The following INPP5A variants were observed in gnomAD, a reference collection of about 807,000 sequenced individuals.
INPP5A encodes 43 kDa inositol polyphosphate 5-phophatase.
A neutral mutation model predicts 65.2 loss-of-function variants in INPP5A; 14 were observed. That is an observed-to-expected ratio of 0.21 (90% CI 0.14 to 0.34). INPP5A has a LOEUF of 0.34. Ranked by LOEUF, INPP5A falls within the 10% of genes least tolerant of loss-of-function variation. INPP5A has a pLI of 1.00. For missense variants in INPP5A, 431 were observed against 545.6 expected, an observed-to-expected ratio of 0.79 and a Z score of 2.09; for synonymous variants, 207 against 208.3, an observed-to-expected ratio of 0.99 and a Z score of 0.05.
intron 9 of INPP5A, among the ~76,000 whole-genome samples, chr10:132,728,436 C>T (rs1026297015): frequency 1.3e-5 from 2 of 152,214 alleles, no homozygotes; most frequent in Non-Finnish European, 2.9e-5. Context: ...CGAGGCTGTG[C>T]GGGACCCGGG....
At chr10:132,592,561 G>A (rs1451104764) in intron 1 of INPP5A, among the ~76,000 whole-genome samples, 1 of 152,066 alleles carries the variant, frequency 6.6e-6, no homozygotes, top group Non-Finnish European at 1.5e-5. Context: ...GACTACAGGC[G>A]GGCGCCACCA....
At chr10:132,572,526 C>T (rs1271927398) in intron 1 of INPP5A, among the ~76,000 whole-genome samples, 2 of 152,018 alleles carry the variant, frequency 1.3e-5, no homozygotes, top group Admixed American at 6.6e-5. Context: ...GATGCTGAGG[C>T]TGCCCAGGGC....
At chr10:132,628,432 GC>G (rs2072217803) in intron 2 of INPP5A, among the ~76,000 whole-genome samples, 1 of 111,918 alleles carries the variant, frequency 8.9e-6, no homozygotes, top group African/African-American at 3.2e-5. Context: ...TATGGTGGCC[GC>G]CCCCTCTCCC....
chr10:132,691,944 G>A (rs1172207538), intron 5 of INPP5A, among the ~76,000 whole-genome samples: 1 of 151,712 alleles, frequency 6.6e-6, no homozygotes, highest in Non-Finnish European at 1.5e-5. Context: ...CGCGGGAGGC[G>A]TGCGGTCCTG....
At chr10:132,760,157 T>C (rs1355042477) in intron 11 of INPP5A, among the ~76,000 whole-genome samples, 1 of 152,224 alleles carries the variant, frequency 6.6e-6, no homozygotes, top group Non-Finnish European at 1.5e-5. Context: ...CCAGCCTCTC[T>C]GCAGCACCTG....
At chr10:132,642,984 C>T (rs2072446317) in intron 2 of INPP5A, among the ~76,000 whole-genome samples, 1 of 152,152 alleles carries the variant, frequency 6.6e-6, no homozygotes, top group Non-Finnish European at 1.5e-5. Context: ...TGCCAGGTCG[C>T]TCTGTGGGAG....
rs1846542151 is a variant in INPP5A, at chr10:132,753,901, G to C, written c.903+4056G>C. On this transcript the variant is annotated intron_variant, in intron 11 of 15. Transcript: ENST00000368594. The surrounding 1 kb of genome is among the most constrained non-coding windows in gnomAD (Gnocchi z 5.3). Reference sequence around the variant, plus strand: ...CCTTCACTTTGTAATCAAGAAGAATGTGGGAGACCATGCGAAATTGGTGAT... The same window carrying C: ...CCTTCACTTTGTAATCAAGAAGAATCTGGGAGACCATGCGAAATTGGTGAT... 6.6e-6 allele frequency: 1 copy of C among 152,246 alleles called. No homozygotes were observed. Among genetic ancestry groups the C allele is most frequent in the Non-Finnish European group, 1.5e-5 (1 of 68,046 alleles). 9.4% of individuals were successfully genotyped at this position (152,246 alleles called of 1,614,324 possible). A position where few individuals can be genotyped will look rare whatever the true frequency, so the allele number is the denominator to read the frequency against.
chr10:132,549,664 G>C lies in INPP5A; in HGVS notation c.75+11493G>C, dbSNP rs896559757. 6.6e-6 allele frequency among the ~76,000 whole-genome samples: 1 copy of C among 152,214 alleles called. No individual in the cohort carries two copies. The highest frequency in any genetic ancestry group is 1.5e-5 in the Non-Finnish European group (1 of 68,036). On this transcript the variant is annotated intron_variant, in intron 1 of 15. Transcript: ENST00000368594. This position sits in a 1 kb window ranked among gnomAD's most constrained non-coding sequence, Gnocchi z 4.9. The stretch of plus-strand genomic sequence containing the variant: ...AGGTGAAGCAGGAGCAGACAGGTGC[G>C]TGTCCTGGAGCTCTGCAGCTGCAGG...
chr10:132,641,531 C>G (rs988651885), intron 2 of INPP5A, among the ~76,000 whole-genome samples: 3 of 152,212 alleles, frequency 2.0e-5, no homozygotes, highest in Non-Finnish European at 2.9e-5. Flanking sequence ...GAGACGACCC[C>G]GTGCCAGAGG....
chr10:132,719,189 C>A (rs1289412861), intron 8 of INPP5A, among the ~76,000 whole-genome samples: 2 of 145,612 alleles, frequency 1.4e-5, no homozygotes, highest in African/African-American at 5.1e-5. Flanking sequence ...TTCTGTGGTA[C>A]CTGGGTTCTG....
At chr10:132,608,091 T>C in intron 2 of INPP5A, 135 bp downstream of exon 2, 2 of 772,166 alleles carry the variant, frequency 2.6e-6, no homozygotes, top group Non-Finnish European at 4.5e-6. Context: ...GTCTCTCGGC[T>C]CCGCTGCCTG....
intron 4 of INPP5A, among the ~76,000 whole-genome samples, chr10:132,688,745 T>G (rs1318205543): frequency 6.6e-6 from 1 of 151,334 alleles, no homozygotes; most frequent in Non-Finnish European, 1.5e-5. Flanking sequence ...TGTGCAAGTG[T>G]GTGAGCAAGT....
chr10:132,739,406 G>T (rs1846234718), intron 9 of INPP5A, among the ~76,000 whole-genome samples: 1 of 152,240 alleles, frequency 6.6e-6, no homozygotes. Context: ...CGTGGTGGGG[G>T]CGTGCCGACA....
At position 132,727,055 on chromosome 10, in the gene INPP5A, A is replaced by C; in HGVS notation, c.732+150A>C. 1 of 508,976 alleles carries C rather than the reference A, an allele frequency of 2.0e-6. No individual in the cohort carries two copies. Among genetic ancestry groups the C allele is most frequent in the Admixed American group, 3.7e-5 (1 of 27,004 alleles). The allele number at this position is 508,976 out of a possible 1,614,324, so 31.5% of individuals were successfully genotyped here. The stretch of plus-strand genomic sequence containing the variant: ...AGGCAAAACCTTTCAATGAAGAAGC[A>C]TGTTTTGCTGTCGGCAGAGGGATCC... On this transcript the variant is annotated intron_variant, in intron 9 of 15. Transcript: ENST00000368594. The surrounding 1 kb of genome is among the most constrained non-coding windows in gnomAD (Gnocchi z 6.5).
intron 2 of INPP5A, among the ~76,000 whole-genome samples, chr10:132,632,865 C>T (rs2072293057): frequency 1.3e-5 from 2 of 152,234 alleles, no homozygotes; most frequent in Admixed American, 1.3e-4. Flanking sequence ...ATGATGGTGC[C>T]TTGCCGAGCA....
At chr10:132,648,942 T>C (rs2072535396) in intron 3 of INPP5A, among the ~76,000 whole-genome samples, 1 of 152,230 alleles carries the variant, frequency 6.6e-6, no homozygotes, top group South Asian at 2.1e-4. Context: ...TTTGTCCTTG[T>C]CCATTATTTC....
chr10:132,677,409 G>C (rs939059813), intron 4 of INPP5A, among the ~76,000 whole-genome samples: 2 of 152,240 alleles, frequency 1.3e-5, no homozygotes, highest in African/African-American at 4.8e-5. Context: ...GAAGGAGAAA[G>C]TGCCGGGTGC....
chr10:132,721,614 G>T (rs1323030759), intron 8 of INPP5A, among the ~76,000 whole-genome samples: 1 of 150,306 alleles, frequency 6.7e-6, no homozygotes, highest in Non-Finnish European at 1.5e-5. Flanking sequence ...GGTTCTGTCT[G>T]GGCACCTTAG....
At chr10:132,689,326 A>T (rs950715062) in intron 4 of INPP5A, among the ~76,000 whole-genome samples, 5 of 152,156 alleles carry the variant, frequency 3.3e-5, no homozygotes, top group South Asian at 4.1e-4. Flanking sequence ...CTCCGTCTGC[A>T]GCTGCGCCCG....
Sources: allele counts gnomAD v4.1 joint callset (sites outside exome capture counted in the v4.1 genomes callset), GRCh38; gene constraint gnomAD v4.1.1; non-coding constraint Gnocchi (gnomAD v3.1); transcripts MANE v1.5; gene names NCBI Gene and HGNC (gene_info 2026-07-23, HGNC 2026-07-21).